Variants in POLR1A observed in about 807,000 individuals in gnomAD.
POLR1A encodes the protein DNA-directed RNA polymerase I subunit RPA1.
POLR1A carries 84 observed loss-of-function variants against 205.3 expected under a neutral mutation model. The observed-to-expected ratio is 0.41, with a 90% CI of 0.34 to 0.49. POLR1A has a LOEUF of 0.49. Ranked by LOEUF, POLR1A falls within the 20% of genes least tolerant of loss-of-function variation. POLR1A has a pLI of 0.22. For missense variants in POLR1A, 1,645 were observed against 2,204.5 expected, an observed-to-expected ratio of 0.75 and a Z score of 5.08; for synonymous variants, 799 against 863.7, an observed-to-expected ratio of 0.93 and a Z score of 1.31.
At chr2:86,103,531 C>T (rs1673860619) in intron 1 of POLR1A, among the ~76,000 whole-genome samples, 1 of 152,222 alleles carries the variant, frequency 6.6e-6, no homozygotes, top group African/African-American at 2.4e-5. Flanking sequence ...GAAAACTCCA[C>T]AATTATCTTT....
intron 14 of POLR1A, among the ~76,000 whole-genome samples, chr2:86,059,439 G>A (rs1205171344): frequency 6.6e-6 from 1 of 152,130 alleles, no homozygotes. Flanking sequence ...CATGCTTCAG[G>A]TACCAGGATG....
Position 86,077,906 on chromosome 2 carries a change from T to C in POLR1A, c.1333A>G (p.Ile445Val), listed in dbSNP as rs577827113. ...GTGTTGATGTACATGTCTGGGCAGA[T>C]GACTGAGCGCGCAGCGTAGTCCACT... ...KRVDYAARSV[I>V]CPDMYINTNE... is the part of the protein sequence containing the mutation. Residue 445 changes from isoleucine (I) to valine (V), a missense_variant, in exon 11 of 34, where the codon ATC (isoleucine) becomes GTC (valine). This residue lies in a region of POLR1A where 131 missense variants were observed against 214.5 expected (regional missense o/e 0.61). Coordinates refer to ENST00000263857, the MANE Select transcript of POLR1A (RefSeq NM_015425.6). 16 of 1,613,752 alleles carry C rather than the reference T, an allele frequency of 9.9e-6. No individual in the cohort carries two copies. The highest frequency in any genetic ancestry group is 1.4e-5 in the Non-Finnish European group (16 of 1,180,008).
chr2:86,100,285 T>TGGAG, intron 1 of POLR1A, 113 bp from the exon 2 acceptor site: 3 of 770,220 alleles, frequency 3.9e-6, no homozygotes. Flanking sequence ...TTGATAGCTC[T>TGGAG]GGAGGGCACA....
chr2:86,042,855 C>T (rs1039324972), intron 23 of POLR1A, 119 bp downstream of exon 23: 9 of 753,492 alleles, frequency 1.2e-5, no homozygotes, highest in Admixed American at 2.0e-5. Context: ...TTCTGACTGA[C>T]GGTGAACAAA....
At position 86,021,948 on chromosome 2, in the gene POLR1A, C is replaced by G. The variant is rs529751071; in HGVS notation, c.*5475G>C. 4 of 152,390 alleles carry G rather than the reference C, an allele frequency of 2.6e-5. No homozygotes were observed. In the South Asian group the frequency reaches 8.3e-4, roughly 32 times the overall value. 9.4% of individuals were successfully genotyped at this position (152,390 alleles called of 1,614,324 possible). Reference sequence around the variant, plus strand: ...ACATGAAGCCTGCTGGGTACCTCAACCCAGGCAGTTACCCAGGTACCCTGC... The same window carrying G: ...ACATGAAGCCTGCTGGGTACCTCAAGCCAGGCAGTTACCCAGGTACCCTGC... On this transcript the variant is annotated 3_prime_UTR_variant, in exon 34 of 34. Coordinates refer to ENST00000263857, the MANE Select transcript of POLR1A (RefSeq NM_015425.6).
intron 14 of POLR1A, among the ~76,000 whole-genome samples, chr2:86,061,223 G>C (rs1025890708): frequency 6.6e-6 from 1 of 152,214 alleles, no homozygotes; most frequent in Non-Finnish European, 1.5e-5. Flanking sequence ...GAGGTGGGTA[G>C]ATCACCTAAG....
chr2:86,034,956 C>T (rs142439341), intron 27 of POLR1A, among the ~76,000 whole-genome samples: 3,718 of 152,228 alleles, frequency 0.024, 79 homozygotes, highest in Middle Eastern at 0.041. Flanking sequence ...CTGCAACCTC[C>T]GCCTCCCGGA....
At position 86,077,967 on chromosome 2, in the gene POLR1A, T is replaced by C. The variant is rs1370124203; in HGVS notation, c.1272A>G (p.Lys424=). 2 of 1,614,220 alleles carry C rather than the reference T, an allele frequency of 1.2e-6. No individual in the cohort carries two copies. Among genetic ancestry groups the C allele is most frequent in the Admixed American group, 1.7e-5 (1 of 60,030 alleles). The change falls in exon 11 of 34, where the codon AAA becomes AAG. Residue 424 remains lysine, a synonymous_variant. Transcript: ENST00000263857. The part of the protein sequence containing the change: ...YPGIRQILEK[K]EGLFRKHMMG... ...TCATGTGTTTTCGGAACAGGCCTTC[T>C]TTCTTCTCCAGGATCTTTATGGAGA...
intron 13 of POLR1A, among the ~76,000 whole-genome samples, chr2:86,068,251 G>C (rs930243913): frequency 6.6e-6 from 1 of 152,108 alleles, no homozygotes; most frequent in Non-Finnish European, 1.5e-5. Flanking sequence ...TGTCCCCTCT[G>C]GTGAAATATG....
At chr2:86,066,808 C>A (rs1469523346) in intron 13 of POLR1A, among the ~76,000 whole-genome samples, 1 of 152,148 alleles carries the variant, frequency 6.6e-6, no homozygotes, top group African/African-American at 2.4e-5. Flanking sequence ...AAAGGTGGCA[C>A]AGACCTAAGG....
chr2:86,033,923 C>G (rs1672447913), intron 27 of POLR1A, 136 bp from the exon 28 acceptor site: 1 of 1,058,748 alleles, frequency 9.4e-7, no homozygotes, highest in East Asian at 2.5e-5. Context: ...CTCCTAGCCA[C>G]TCACTTGTCC....
At chr2:86,059,461 C>G (rs1164131296) in intron 14 of POLR1A, among the ~76,000 whole-genome samples, 2 of 152,190 alleles carry the variant, frequency 1.3e-5, no homozygotes, top group Non-Finnish European at 2.9e-5. Flanking sequence ...CATGGTCAAA[C>G]AGGTGGTTGT....
chr2:86,053,063 C>T, intron 15 of POLR1A, 63 bp from the exon 16 acceptor site: 2 of 1,257,042 alleles, frequency 1.6e-6, no homozygotes, highest in Non-Finnish European at 2.2e-6. Flanking sequence ...AGTCACCCAC[C>T]CTCTACTCCA....
rs778885515 is a variant in POLR1A, at chr2:86,070,289, C to T, written c.1612-17G>A. 27 of 1,593,504 alleles carry T rather than the reference C, an allele frequency of 1.7e-5. 1 individual carries two copies. In the South Asian group the frequency reaches 3.1e-4, roughly 18 times the overall value. On this transcript the variant is annotated splice_polypyrimidine_tract_variant and intron_variant, in intron 12 of 33. Coordinates refer to ENST00000263857, the MANE Select transcript of POLR1A (RefSeq NM_015425.6). This position sits in a 1 kb window ranked among gnomAD's most constrained non-coding sequence, Gnocchi z 4.4. ...CCGGCACACCTGGGAACAGAGTGGACAGGTGGGTGATCAGTGCAAACGTCA... is the reference window on the plus strand; with the variant it reads ...CCGGCACACCTGGGAACAGAGTGGATAGGTGGGTGATCAGTGCAAACGTCA...
At chr2:86,064,832 C>A (rs529616165) in intron 14 of POLR1A, among the ~76,000 whole-genome samples, 60 of 151,796 alleles carry the variant, frequency 4.0e-4, no homozygotes, top group Non-Finnish European at 6.8e-4. Flanking sequence ...TGACTCACTA[C>A]AACCTCCACC....
chr2:86,027,842 T>A lies in POLR1A; in HGVS notation c.5062+43A>T, dbSNP rs1421272114. ...CATGGGTGAGCCCGTGTGCCCAGAG[T>A]CGTCAGTAGAGGGGAGGCCAGGGCT... On this transcript the variant is annotated intron_variant, in intron 33 of 33. Coordinates refer to ENST00000263857, the MANE Select transcript of POLR1A (RefSeq NM_015425.6). 1.0e-5 allele frequency: 16 copies of A among 1,606,248 alleles called. No homozygotes were observed. In the East Asian group the frequency reaches 2.7e-4, roughly 27 times the overall value.
chr2:86,044,211 C>T lies in POLR1A; in HGVS notation c.3063G>A (p.Glu1021=). Residue 1021 remains glutamate (E), a synonymous_variant, in exon 22 of 34, where the codon GAG becomes GAA. Transcript: ENST00000263857. The part of the protein sequence containing the change: ...DGSVVQFLYG[E]DGLDIPKTQF... ...GTGTCTTGGGGATGTCCAGGCCATC[C>T]TCCCCATACAGGAACTGCACCACAC... 5.0e-6 allele frequency: 8 copies of T among 1,614,192 alleles called. No homozygotes were observed. The highest frequency in any genetic ancestry group is 4.5e-5 in the East Asian group (2 of 44,874).
At chr2:86,080,345 GCC>G (rs1320638452) in intron 9 of POLR1A, among the ~76,000 whole-genome samples, 8 of 152,120 alleles carry the variant, frequency 5.3e-5, no homozygotes, top group Non-Finnish European at 1.0e-4. Flanking sequence ...CTGCAATACT[GCC>G]TTCCTGACCC....
Position 86,079,552 on chromosome 2 carries a change from G to A in POLR1A, c.1086+1264C>T, listed in dbSNP as rs558434263. ...GAAGCATTTGTTTGACAAAGGGGAC[G>A]ACCAATTTTTCTTTTTTTTTTAATT... is the stretch of plus-strand genomic sequence containing the variant. On this transcript the variant is annotated intron_variant, in intron 9 of 33. Transcript: ENST00000263857. 4.6e-5 allele frequency among the ~76,000 whole-genome samples: 7 copies of A among 152,146 alleles called. No individual in the cohort carries two copies. The South Asian group carries it at 1.5e-3, about 32-fold the overall frequency.
Sources: allele counts gnomAD v4.1 joint callset (sites outside exome capture counted in the v4.1 genomes callset), GRCh38; gene constraint gnomAD v4.1.1; regional missense constraint gnomAD v4.1.1; non-coding constraint Gnocchi (gnomAD v3.1); transcripts MANE v1.5; gene names NCBI Gene and HGNC (gene_info 2026-07-23, HGNC 2026-07-21).